EVA1C: variants seen among roughly 807,000 people sequenced by gnomAD.
EVA1C encodes the protein protein eva-1 homolog C.
EVA1C carries 25 observed loss-of-function variants against 45.4 expected under a neutral mutation model. The observed-to-expected ratio is 0.55, with a 90% CI of 0.40 to 0.77. The LOEUF is 0.77. EVA1C is among the 30% of genes least tolerant of loss of function. The probability of loss-of-function intolerance (pLI) is 0.00; values close to 1 mark genes in which losing one functional copy is unlikely to be tolerated. For synonymous variants in EVA1C, 190 were observed against 221.2 expected, an observed-to-expected ratio of 0.86 and a Z score of 1.25; for missense variants, 479 against 554.8, an observed-to-expected ratio of 0.86 and a Z score of 1.37.
intron 1 of EVA1C, among the ~76,000 whole-genome samples, chr21:32,427,259 T>A (rs1183233712): frequency 6.6e-6 from 1 of 152,156 alleles, no homozygotes; most frequent in Non-Finnish European, 1.5e-5. Flanking sequence ...AGTAAAAACA[T>A]TTGACGATGT....
At chr21:32,434,590 C>G (rs1458819309) in intron 1 of EVA1C, among the ~76,000 whole-genome samples, 3 of 138,266 alleles carry the variant, frequency 2.2e-5, no homozygotes, top group Non-Finnish European at 4.7e-5. Flanking sequence ...GACTCCGTCT[C>G]AAAAAATAAA....
intron 1 of EVA1C, among the ~76,000 whole-genome samples, chr21:32,417,318 T>C (rs1347691146): frequency 2.0e-5 from 3 of 152,196 alleles, no homozygotes; most frequent in Non-Finnish European, 4.4e-5. Context: ...CTTGGCAGAG[T>C]TGATTTCTTG....
At chr21:32,498,861 G>T (rs1413334764) in intron 5 of EVA1C, among the ~76,000 whole-genome samples, 1 of 152,100 alleles carries the variant, frequency 6.6e-6, no homozygotes, top group Admixed American at 6.6e-5. Context: ...GGAGCAGGAC[G>T]GTGATCAATC....
chr21:32,451,817 G>A (rs1018088690), intron 1 of EVA1C, among the ~76,000 whole-genome samples: 1 of 152,106 alleles, frequency 6.6e-6, no homozygotes, highest in Non-Finnish European at 1.5e-5. Context: ...CCGGTTATAT[G>A]GTGTTAAGGG....
At chr21:32,501,585 T>C (rs1253600804) in intron 6 of EVA1C, 90 bp downstream of exon 6, 3 of 1,527,828 alleles carry the variant, frequency 2.0e-6, no homozygotes, top group South Asian at 2.5e-5. Flanking sequence ...TTGGTTAGAA[T>C]GGAAGGGGCT....
rs2033889571 is a variant in EVA1C, at chr21:32,412,997, G to A, written c.144G>A (p.Ala48=). 2.1e-6 allele frequency: 3 copies of A among 1,442,316 alleles called. No homozygotes were observed. Among genetic ancestry groups the A allele is most frequent in the Admixed American group, 2.5e-5 (1 of 39,230 alleles). 89.3% of individuals were successfully genotyped at this position (1,442,316 alleles called of 1,614,324 possible). A position where few individuals can be genotyped will look rare whatever the true frequency, so the allele number is the denominator to read the frequency against. ...TVLVCSKEIS[A]LTDFSGYLTK... ...TGGTCTGCTCCAAAGAGATCTCAGC[G>A]CTCACCGACTTCTCTGGTAAGAGCG... Residue 48 remains alanine, a synonymous_variant, in exon 1 of 8, where the codon GCG becomes GCA. Transcript: ENST00000300255.
chr21:32,467,897 A>G, intron 4 of EVA1C, 49 bp downstream of exon 4: 1 of 1,242,178 alleles, frequency 8.1e-7, no homozygotes, highest in Non-Finnish European at 1.1e-6. Flanking sequence ...GAGGGACAGA[A>G]TTAATAGAAT....
rs34286023 is a variant in EVA1C at position 32,491,681 on chromosome 21, C to CAAA, written c.635-3323_635-3321dup. Reference sequence around the variant, plus strand: ...ACTGGGTGACAGAGCGAGACTCTGTCAAAAAAAAAAAAAAAAAAAAAAAAA... The same window carrying CAAA: ...ACTGGGTGACAGAGCGAGACTCTGTCAAAAAAAAAAAAAAAAAAAAAAAAAAAA... On this transcript the variant is annotated intron_variant, in intron 4 of 7. Coordinates refer to ENST00000300255, the MANE Select transcript of EVA1C (RefSeq NM_058187.5). Among the ~76,000 whole-genome samples the CAAA allele has an allele frequency of 3.8e-4, 22 of 57,664 alleles. 1 individual carries two copies. The highest frequency in any genetic ancestry group is 7.1e-4 in the African/African-American group (11 of 15,584). 37.8% of individuals were successfully genotyped at this position (57,664 alleles called of 152,430 possible).
chr21:32,485,238 T>G (rs2036934695), intron 4 of EVA1C, among the ~76,000 whole-genome samples: 1 of 152,116 alleles, frequency 6.6e-6, no homozygotes, highest in Non-Finnish European at 1.5e-5. Context: ...TGGAGTGCAA[T>G]GGCGCAATCT....
chr21:32,488,822 G>A (rs2037062024), intron 4 of EVA1C, among the ~76,000 whole-genome samples: 1 of 151,892 alleles, frequency 6.6e-6, no homozygotes, highest in South Asian at 2.1e-4. Context: ...CTGACCCCAG[G>A]TGATCCGCCC....
Position 32,435,482 on chromosome 21 carries a change from G to T in EVA1C, c.161-17830G>T, listed in dbSNP as rs964090460. Among the ~76,000 whole-genome samples, 18 of 152,200 alleles carry T rather than the reference G, an allele frequency of 1.2e-4. 1 individual carries two copies. Among genetic ancestry groups the T allele is most frequent in the Non-Finnish European group, 2.9e-5 (2 of 68,042 alleles). On this transcript the variant is annotated intron_variant, in intron 1 of 7. Coordinates refer to ENST00000300255, the MANE Select transcript of EVA1C (RefSeq NM_058187.5). ...TGCTGCTCGCCCTCCTCCCAGGCAG[G>T]ATGCCCCATGGCCACTGCAGGCTCA...
intron 3 of EVA1C, among the ~76,000 whole-genome samples, chr21:32,458,968 C>G (rs964939866): frequency 2.0e-5 from 3 of 152,020 alleles, no homozygotes; most frequent in African/African-American, 4.8e-5. Context: ...GAGAAACCCC[C>G]CCGATCTCTT....
intron 5 of EVA1C, among the ~76,000 whole-genome samples, chr21:32,496,366 C>A (rs1022712162): frequency 2.6e-5 from 4 of 152,184 alleles, no homozygotes; most frequent in Non-Finnish European, 5.9e-5. Context: ...TATTCCATTG[C>A]ATCCTTAGAA....
intron 3 of EVA1C, among the ~76,000 whole-genome samples, chr21:32,458,482 C>T (rs7276260): frequency 0.39 from 55,938 of 142,426 alleles, 11,165 homozygotes; most frequent in East Asian, 0.52. Context: ...AAGTTAAGCA[C>T]TTTTTTTTTT....
chr21:32,459,768 G>A (rs546048227), intron 3 of EVA1C, among the ~76,000 whole-genome samples: 1 of 150,376 alleles, frequency 6.6e-6, no homozygotes, highest in African/African-American at 2.4e-5. Context: ...TTGAACCCAG[G>A]AGGCAGAGGT....
chr21:32,492,332 T>G (rs546333186), intron 4 of EVA1C, among the ~76,000 whole-genome samples: 1 of 151,386 alleles, frequency 6.6e-6, no homozygotes, highest in Admixed American at 6.6e-5. Flanking sequence ...AGTTTCGGGG[T>G]GTGTGTGGGA....
intron 7 of EVA1C, among the ~76,000 whole-genome samples, chr21:32,506,819 G>C (rs1165156140): frequency 2.6e-5 from 4 of 152,156 alleles, no homozygotes; most frequent in African/African-American, 9.7e-5. Flanking sequence ...CTGCTGGAGA[G>C]AGGTGCCCAG....
intron 7 of EVA1C, 40 bp from the exon 8 acceptor site, chr21:32,514,774 A>G: frequency 2.0e-6 from 3 of 1,501,176 alleles, no homozygotes. Flanking sequence ...GGAGTCTGCC[A>G]GCTCCTCCCA....
rs1228470695 is a variant in EVA1C at position 32,488,992 on chromosome 21, A to G, written c.635-6035A>G. Among the ~76,000 whole-genome samples, 4 of 152,238 alleles carry G rather than the reference A, an allele frequency of 2.6e-5. No homozygotes were observed. The East Asian group carries it at 7.7e-4, about 29-fold the overall frequency. The stretch of plus-strand genomic sequence containing the variant: ...CAGTTGAGTTGTATAAGTTCCTTAT[A>G]TATTTGAATATTAACCCCTTATCAG... On this transcript the variant is annotated intron_variant, in intron 4 of 7. Coordinates refer to ENST00000300255, the MANE Select transcript of EVA1C (RefSeq NM_058187.5).
Sources: gnomAD v4.1 joint callset for allele counts (sites outside exome capture counted in the v4.1 genomes callset) on GRCh38, gnomAD v4.1.1 for gene constraint, MANE v1.5 for transcripts, NCBI Gene and HGNC (gene_info 2026-07-23, HGNC 2026-07-21) for gene names.